Variants in BCL9L observed in about 807,000 individuals in gnomAD.
BCL9L encodes the protein BCL9 like.
BCL9L carries 19 observed loss-of-function variants against 99.4 expected under a neutral mutation model. The ratio of observed to expected loss-of-function variants is 0.19; its 90% CI spans 0.13 to 0.28. The LOEUF (loss-of-function observed/expected upper bound fraction) is 0.28, where lower values mean the gene tolerates loss of function less well. BCL9L is among the 10% of genes least tolerant of loss of function. BCL9L has a pLI of 1.00. For synonymous variants in BCL9L, 900 were observed against 854.8 expected, an observed-to-expected ratio of 1.05 and a Z score of -0.92; for missense variants, 2,023 against 2,101.6, an observed-to-expected ratio of 0.96 and a Z score of 0.73.
At chr11:118,924,728 G>A (rs1184824114) in intron 1 of BCL9L, among the ~76,000 whole-genome samples, 1 of 152,092 alleles carries the variant, frequency 6.6e-6, no homozygotes, top group African/African-American at 2.4e-5. Context: ...ACATCACTCA[G>A]AAGCCTTGGA....
In BCL9L at chr11:118,900,794, G is replaced by T; in HGVS notation, c.2949C>A (p.Leu983=). ...LKSPQVLGSS[L]SVRSPTGSPS... The stretch of plus-strand genomic sequence containing the variant: ...GCGAGCCAGTGGGTGAACGGACACT[G>T]AGGGAGGAGCCGAGGACCTGGGGCG... Residue 983 remains leucine (L), a synonymous_variant, in exon 8 of 10, where the codon CTC becomes CTA. Transcript: ENST00000683865. The surrounding 1 kb of genome is among the most constrained non-coding windows in gnomAD (Gnocchi z 5.3). 6.2e-7 allele frequency: 1 copy of T among 1,613,962 alleles called. No individual in the cohort carries two copies. The highest frequency in any genetic ancestry group is 8.5e-7 in the Non-Finnish European group (1 of 1,179,954).
chr11:118,899,561 G>A, intron 9 of BCL9L, 53 bp from the exon 10 acceptor site: 1 of 1,587,664 alleles, frequency 6.3e-7, no homozygotes, highest in Non-Finnish European at 8.6e-7. Context: ...GCTCGGGGAG[G>A]GTGCAGGGCT....
intron 1 of BCL9L, among the ~76,000 whole-genome samples, chr11:118,924,844 C>G (rs1338665212): frequency 6.6e-6 from 1 of 152,236 alleles, no homozygotes; most frequent in African/African-American, 2.4e-5. Context: ...TCTGGAGGCT[C>G]CTATCAGCCA....
intron 2 of BCL9L, chr11:118,910,643 C>G (rs967747559): frequency 1.3e-5 from 2 of 152,876 alleles, no homozygotes; most frequent in African/African-American, 4.8e-5. Context: ...TTCGGCAGAG[C>G]CCGGGCGGAG....
In BCL9L at chr11:118,903,085, T is replaced by A; in HGVS notation, c.750-11A>T. 1 of 1,568,086 alleles carries A rather than the reference T, an allele frequency of 6.4e-7. No homozygotes were observed. The highest frequency in any genetic ancestry group is 8.6e-7 in the Non-Finnish European group (1 of 1,161,540). On this transcript the variant is annotated splice_polypyrimidine_tract_variant and intron_variant, in intron 6 of 9. Coordinates refer to ENST00000683865, the MANE Select transcript of BCL9L (RefSeq NM_001378213.1). The surrounding 1 kb of genome is among the most constrained non-coding windows in gnomAD (Gnocchi z 5.6). ...ACTGCCTCTGCAGCCCTGCACAGAG[T>A]GGGGGCACCGACAGCTCAGAGAGGT...
At chr11:118,920,396 A>AAGGGC (rs1941104804) in intron 1 of BCL9L, among the ~76,000 whole-genome samples, 2 of 152,296 alleles carry the variant, frequency 1.3e-5, no homozygotes, top group South Asian at 4.1e-4. Flanking sequence ...TCAAGGCTAC[A>AAGGGC]AGGGCAGCTG....
intron 5 of BCL9L, among the ~76,000 whole-genome samples, chr11:118,905,576 G>A (rs376751711): frequency 3.3e-5 from 5 of 149,596 alleles, no homozygotes; most frequent in East Asian, 2.0e-4. Context: ...CAGCACTTTG[G>A]GGGGCTGAGG....
In BCL9L at chr11:118,901,040, G is replaced by C. The variant is rs762143602; in HGVS notation, c.2703C>G (p.Thr901=). ...GCCCCCGGTTTGGGGCTGAATGCACGGTCCCAGGAGGATTGGACGCAGGGG... is the reference window on the plus strand; with the variant it reads ...GCCCCCGGTTTGGGGCTGAATGCACCGTCCCAGGAGGATTGGACGCAGGGG... The part of the protein sequence containing the change: ...PLPPASNPPG[T]VHSAPNRGLG... The change falls in exon 8 of 10, where the codon ACC becomes ACG. Residue 901 remains threonine (T), a synonymous_variant. Coordinates refer to ENST00000683865, the MANE Select transcript of BCL9L (RefSeq NM_001378213.1). The surrounding 1 kb of genome is among the most constrained non-coding windows in gnomAD (Gnocchi z 6.6). 1 of 1,576,942 alleles carries C rather than the reference G, an allele frequency of 6.3e-7. No individual in the cohort carries two copies. The highest frequency in any genetic ancestry group is 1.8e-5 in the Admixed American group (1 of 55,542).
In BCL9L at chr11:118,925,846, C is replaced by G. The variant is rs1941265802; in HGVS notation, c.-739G>C. Among the ~76,000 whole-genome samples the G allele has an allele frequency of 6.6e-6, 1 of 151,220 alleles. No homozygotes were observed. The highest frequency in any genetic ancestry group is 2.4e-5 in the African/African-American group (1 of 41,276). On this transcript the variant is annotated 5_prime_UTR_variant, in exon 1 of 10. Coordinates refer to ENST00000683865, the MANE Select transcript of BCL9L (RefSeq NM_001378213.1). The surrounding 1 kb of genome is among the most constrained non-coding windows in gnomAD (Gnocchi z 6.4). ...GCATGTCCAGCCACTGGCTCCGCCG[C>G]GCGCCGCCGCCTCCCCGGGCTCCCC...
At chr11:118,905,755 TGCAGTAA>T (rs1366698903) in intron 5 of BCL9L, among the ~76,000 whole-genome samples, 1 of 152,074 alleles carries the variant, frequency 6.6e-6, no homozygotes, top group Non-Finnish European at 1.5e-5. Flanking sequence ...AGGCAGAGGT[TGCAGTAA>T]GCCGAGTTCG....
intron 3 of BCL9L, among the ~76,000 whole-genome samples, chr11:118,909,235 C>G (rs1249569664): frequency 6.6e-6 from 1 of 151,936 alleles, no homozygotes; most frequent in Non-Finnish European, 1.5e-5. Context: ...CAGGCCAGGC[C>G]GGCAGGCAGA....
Position 118,899,192 on chromosome 11 carries a change from G to T in BCL9L, c.3723C>A (p.Pro1241=), listed in dbSNP as rs1279165557. 2 of 1,493,680 alleles carry T rather than the reference G, an allele frequency of 1.3e-6. No homozygotes were observed. Among genetic ancestry groups the T allele is most frequent in the East Asian group, 2.4e-5 (1 of 41,878 alleles). 92.5% of individuals were successfully genotyped at this position (1,493,680 alleles called of 1,614,324 possible). A position where few individuals can be genotyped will look rare whatever the true frequency, so the allele number is the denominator to read the frequency against. ...CAGGCCCCCCGCCCCCACCCCCAGT[G>T]GGGGCCATGGCACCATGGGGCTGCT... The part of the protein sequence containing the change: ...RLQQPHGAMA[P]TGGGGGGPGL... The change falls in exon 10 of 10, where the codon CCC becomes CCA. Residue 1241 remains proline, a synonymous_variant. Coordinates refer to ENST00000683865, the MANE Select transcript of BCL9L (RefSeq NM_001378213.1).
In BCL9L at chr11:118,898,513, G is replaced by T; in HGVS notation, c.4402C>A (p.Leu1468Ile). The part of the protein sequence containing the change: ...SLMGPPPQQN[L>I]MVSHPLRQRS... ...TGCCGAAGGGGGTGGGACACCATGA[G>T]GTTCTGCTGGGGCGGGGGGCCCATG... Residue 1468 changes from leucine (L) to isoleucine (I), a missense_variant, in exon 10 of 10, where the codon CTC becomes ATC. Transcript: ENST00000683865. 1 of 1,600,928 alleles carries T rather than the reference G, an allele frequency of 6.2e-7. No homozygotes were observed. The highest frequency in any genetic ancestry group is 1.1e-5 in the South Asian group (1 of 90,530).
rs1286472007 is a variant in BCL9L at position 118,914,286 on chromosome 11, C to T, written c.-76-4271G>A. 6.6e-6 allele frequency among the ~76,000 whole-genome samples: 1 copy of T among 152,162 alleles called. No individual in the cohort carries two copies. The highest frequency in any genetic ancestry group is 1.5e-5 in the Non-Finnish European group (1 of 68,030). On this transcript the variant is annotated intron_variant, in intron 2 of 9. Coordinates refer to ENST00000683865, the MANE Select transcript of BCL9L (RefSeq NM_001378213.1). This position sits in a 1 kb window ranked among gnomAD's most constrained non-coding sequence, Gnocchi z 4.4. The stretch of plus-strand genomic sequence containing the variant: ...TGGCCGAGGAACCTCCTCCAAACTG[C>T]CTGGCTGCTGGGAACAATGGGGCCA...
In BCL9L at chr11:118,907,600, C is replaced by G. The variant is rs1940579053; in HGVS notation, c.415G>C (p.Val139Leu). Reference protein sequence around the residue: ...TPSLDSEAKEVAPRSKRRCVL... With the variant: ...TPSLDSEAKELAPRSKRRCVL... ...CAGCGCCGCTTACTCCGCGGCGCCA[C>G]CTCTGCCCAGGCAGGACGGAGGAAA... is the stretch of plus-strand genomic sequence containing the variant. Residue 139 changes from valine to leucine, a missense_variant and splice_region_variant, in exon 5 of 10, where the codon GTG becomes CTG. This residue lies in a region of BCL9L where 1,116 missense variants were observed against 1,194.6 expected (regional missense o/e 0.93). Transcript: ENST00000683865. The G allele has an allele frequency of 2.5e-6, 4 of 1,612,530 alleles. No homozygotes were observed. The South Asian group carries it at 4.4e-5, about 18-fold the overall frequency.
In BCL9L at chr11:118,900,012, T is replaced by A; in HGVS notation, c.3311A>T (p.His1104Leu). 1 of 1,613,824 alleles carries A rather than the reference T, an allele frequency of 6.2e-7. No individual in the cohort carries two copies. The highest frequency in any genetic ancestry group is 8.5e-7 in the Non-Finnish European group (1 of 1,179,950). The change falls in exon 9 of 10, where the codon CAC (histidine) becomes CTC (leucine). Residue 1104 changes from histidine (H) to leucine (L), a missense_variant. By Grantham distance (99) the His-to-Leu change is moderately conservative. Coordinates refer to ENST00000683865, the MANE Select transcript of BCL9L (RefSeq NM_001378213.1). This position sits in a 1 kb window ranked among gnomAD's most constrained non-coding sequence, Gnocchi z 5.3. ...GGTGGCGATGGTCTTGATGGCATTG[T>A]GGTAGAGCGGGGTGGAGCTGGGCAT... Reference protein sequence around the residue: ...YAMPSSTPLYHNAIKTIATSD... With the variant: ...YAMPSSTPLYLNAIKTIATSD...
intron 3 of BCL9L, among the ~76,000 whole-genome samples, chr11:118,909,218 G>C (rs1015419879): frequency 1.3e-5 from 2 of 152,180 alleles, no homozygotes; most frequent in African/African-American, 4.8e-5. Flanking sequence ...TGAGGAGGGG[G>C]GCTTGGCAGG....
chr11:118,907,700 C>T, intron 4 of BCL9L, 98 bp from the exon 5 acceptor site: 2 of 1,530,798 alleles, frequency 1.3e-6, no homozygotes, highest in South Asian at 1.2e-5. Context: ...AGATGCCCCA[C>T]CCTAGAGGGC....
intron 1 of BCL9L, among the ~76,000 whole-genome samples, chr11:118,924,701 AC>A (rs1447066696): frequency 1.4e-4 from 21 of 151,174 alleles, no homozygotes; most frequent in Admixed American, 1.3e-3. Flanking sequence ...TGACTGCCCC[AC>A]CCCCCAGCCA....
Sources: allele counts gnomAD v4.1 joint callset (sites outside exome capture counted in the v4.1 genomes callset), GRCh38; gene constraint gnomAD v4.1.1; regional missense constraint gnomAD v4.1.1; non-coding constraint Gnocchi (gnomAD v3.1); transcripts MANE v1.5; gene names NCBI Gene and HGNC (gene_info 2026-07-23, HGNC 2026-07-21).